TAS2R50: variants seen among roughly 807,000 people sequenced by gnomAD.
TAS2R50 encodes the protein taste 2 receptor member 50, also known as taste receptor type 2 member 50.
For synonymous variants in TAS2R50, 140 were observed against 126.9 expected, an observed-to-expected ratio of 1.10 and a Z score of -0.70; for missense variants, 372 against 347.0, an observed-to-expected ratio of 1.07 and a Z score of -0.57.
chr12:10,986,544 T>C lies in TAS2R50; in HGVS notation c.317A>G (p.Tyr106Cys), dbSNP rs769267389. 1.7e-5 allele frequency: 27 copies of C among 1,614,016 alleles called. No individual in the cohort carries two copies. In the South Asian group the frequency reaches 3.0e-4, roughly 18 times the overall value. The part of the protein sequence containing the change: ...MWLAANLSIF[Y>C]LLKIANFSNL... ...GGAGAAATTGGCAATCTTGAGCAAA[T>C]AAAATATGCTGAGGTTAGCAGCAAG... The change falls in exon 1 of 1, where the codon TAT becomes TGT. Residue 106 changes from tyrosine (Y) to cysteine (C), a missense_variant. Transcript: ENST00000506868.
In TAS2R50 at chr12:10,986,148, C is replaced by G. The variant is rs1033851303; in HGVS notation, c.713G>C (p.Cys238Ser). 1 of 1,614,018 alleles carries G rather than the reference C, an allele frequency of 6.2e-7. No individual in the cohort carries two copies. Among genetic ancestry groups the G allele is most frequent in the East Asian group, 2.2e-5 (1 of 44,880 alleles). The change falls in exon 1 of 1, where the codon TGT becomes TCT. Residue 238 changes from cysteine (C) to serine (S), a missense_variant. Cys to Ser is a moderately radical substitution (Grantham distance 112). Coordinates refer to ENST00000506868, the MANE Select transcript of TAS2R50 (RefSeq NM_176890.2). The part of the protein sequence containing the change: ...LQTLISFLLL[C>S]AIFFLFLIVS... ...GATTAGGAATAGAAAGAAAATGGCA[C>G]ATAACAAGAGGAAGGAGATCAGAGT...
chr12:10,986,613 G>A lies in TAS2R50; in HGVS notation c.248C>T (p.Thr83Ile). ...GGTTACAACCCAGGCATTATAAGAA[G>A]TAATTCTTAATTCTACACTATAAAA... ...PAFYSVELRITSYNAWVVTNH... is the reference protein window; with the variant it reads ...PAFYSVELRIISYNAWVVTNH... The change falls in exon 1 of 1, where the codon ACT becomes ATT. Residue 83 changes from threonine (T) to isoleucine (I), a missense_variant. Transcript: ENST00000506868. 2 of 1,613,764 alleles carry A rather than the reference G, an allele frequency of 1.2e-6. No individual in the cohort carries two copies. The highest frequency in any genetic ancestry group is 1.7e-6 in the Non-Finnish European group (2 of 1,179,854).
chr12:10,986,309 G>T lies in TAS2R50; in HGVS notation c.552C>A (p.Ser184Arg), dbSNP rs1939622749. Residue 184 changes from serine to arginine, a missense_variant, in exon 1 of 1, where the codon AGC becomes AGA. Ser to Arg is a moderately radical substitution (Grantham distance 110). Coordinates refer to ENST00000506868, the MANE Select transcript of TAS2R50 (RefSeq NM_176890.2). ...LSYLTVTTLW[S>R]FIPFTLSLIS... ...TCAGGGACAGAGTAAAGGGTATGAA[G>T]CTCCATAGGGTAGTTACAGTCAAAT... is the stretch of plus-strand genomic sequence containing the variant. The T allele has an allele frequency of 6.2e-7, 1 of 1,613,908 alleles. No individual in the cohort carries two copies. Among genetic ancestry groups the T allele is most frequent in the African/African-American group, 1.3e-5 (1 of 74,836 alleles).
In TAS2R50 at chr12:10,986,755, C is replaced by G. The variant is rs1262910656; in HGVS notation, c.106G>C (p.Val36Leu). Reference protein sequence around the residue: ...FIALVNFIDWVKRKKISSADQ... With the variant: ...FIALVNFIDWLKRKKISSADQ... Reference sequence around the variant, plus strand: ...GCTGAGGAGATCTTTTTTCTCTTCACCCAGTCAATGAAATTTACCAGTGCT... The same window carrying G: ...GCTGAGGAGATCTTTTTTCTCTTCAGCCAGTCAATGAAATTTACCAGTGCT... Residue 36 changes from valine to leucine, a missense_variant, in exon 1 of 1, where the codon GTG (valine) becomes CTG (leucine). Transcript: ENST00000506868. The G allele has an allele frequency of 1.2e-6, 2 of 1,610,838 alleles. No individual in the cohort carries two copies. Among genetic ancestry groups the G allele is most frequent in the South Asian group, 1.1e-5 (1 of 90,216 alleles).
rs756350870 is a variant in TAS2R50 at position 10,986,899 on chromosome 12, A to C, written c.-39T>G. The C allele has an allele frequency of 7.2e-7, 1 of 1,391,880 alleles. No homozygotes were observed. The highest frequency in any genetic ancestry group is 1.6e-5 in the South Asian group (1 of 64,166). 86.2% of individuals were successfully genotyped at this position (1,391,880 alleles called of 1,614,324 possible). ...AAAAGAAAGAAAATGCAAGCCTAAT[A>C]TCACTGGTTGTGATTTCTTTAATAC... is the stretch of plus-strand genomic sequence containing the variant. On this transcript the variant is annotated 5_prime_UTR_variant, in exon 1 of 1. Coordinates refer to ENST00000506868, the MANE Select transcript of TAS2R50 (RefSeq NM_176890.2).
At chr12:10,985,989 AG>A in the TAS2R50 span, 4 of 1,612,808 alleles carry the variant, frequency 2.5e-6, no homozygotes, top group East Asian at 4.5e-5. Flanking sequence ...CAAAATCAAA[AG>A]AAAGGTGTGT....
chr12:10,986,495 C>T lies in TAS2R50; in HGVS notation c.366G>A (p.Lys122=), dbSNP rs1939637229. 2 of 1,613,952 alleles carry T rather than the reference C, an allele frequency of 1.2e-6. No homozygotes were observed. Among genetic ancestry groups the T allele is most frequent in the Middle Eastern group, 1.6e-4 (1 of 6,084 alleles). ...NFSNLLFLHL[K]RRVRSVILVI... ...CCAGAATGACACTCCTAACTCTCCT[C>T]TTTAAATGAAGAAAAAGAAGGTTGG... Residue 122 remains lysine, a synonymous_variant, in exon 1 of 1, where the codon AAG becomes AAA. Coordinates refer to ENST00000506868, the MANE Select transcript of TAS2R50 (RefSeq NM_176890.2).
chr12:10,986,370 C>T lies in TAS2R50; in HGVS notation c.491G>A (p.Gly164Glu), dbSNP rs144926896. 1,717 of 1,613,938 alleles carry T rather than the reference C, an allele frequency of 1.1e-3. 20 individuals carry two copies. In the African/African-American group the frequency reaches 0.02, roughly 19 times the overall value. Residue 164 changes from glycine to glutamate, a missense_variant, in exon 1 of 1, where the codon GGG becomes GAG. Physicochemically the swap from Gly to Glu is moderately conservative, Grantham distance 98 (BLOSUM62 -2). Coordinates refer to ENST00000506868, the MANE Select transcript of TAS2R50 (RefSeq NM_176890.2). ...TACTGTATTCCTCAATTTCATCTTC[C>T]CAGTCATGTTTCCTTCATATTCTTC... ...WAEEYEGNMT[G>E]KMKLRNTVHL...
chr12:10,986,788 C>T lies in TAS2R50; in HGVS notation c.73G>A (p.Gly25Ser). The change falls in exon 1 of 1, where the codon GGC (glycine) becomes AGC (serine). Residue 25 changes from glycine to serine, a missense_variant. By Grantham distance (56) the Gly-to-Ser change is moderately conservative. Transcript: ENST00000506868. ...ATGAAATTTACCAGTGCTATGAAGC[C>T]ATTGGCAAAGTTTCCGAGAACAAAT... ...VLFVLGNFAN[G>S]FIALVNFIDW... The T allele has an allele frequency of 6.3e-7, 1 of 1,582,986 alleles. No homozygotes were observed. Among genetic ancestry groups the T allele is most frequent in the Non-Finnish European group, 8.5e-7 (1 of 1,171,896 alleles).
chr12:10,986,064 G>C lies in TAS2R50; in HGVS notation c.797C>G (p.Ala266Gly), dbSNP rs867288723. ...GAATGCAAGATATATGTTTCCAACA[G>C]CCTTGCTAACCATGACAACCGGGTC... ...RNDPVVMVSK[A>G]VGNIYLAFDS... The change falls in exon 1 of 1, where the codon GCT (alanine) becomes GGT (glycine). Residue 266 changes from alanine to glycine, a missense_variant. By Grantham distance (60) the Ala-to-Gly change is moderately conservative. Transcript: ENST00000506868. 1 of 1,614,070 alleles carries C rather than the reference G, an allele frequency of 6.2e-7. No individual in the cohort carries two copies. Among genetic ancestry groups the C allele is most frequent in the East Asian group, 2.2e-5 (1 of 44,880 alleles).
At position 10,986,841 on chromosome 12, in the gene TAS2R50, A is replaced by T; in HGVS notation, c.20T>A (p.Ile7Asn). 6.5e-7 allele frequency: 1 copy of T among 1,541,240 alleles called. No homozygotes were observed. Residue 7 changes from isoleucine to asparagine, a missense_variant, in exon 1 of 1, where the codon ATT (isoleucine) becomes AAT (asparagine). By Grantham distance (149) the Ile-to-Asn change is moderately radical. Transcript: ENST00000506868. ...AACCATTATTAGAATTGAAAAAAAA[A>T]TGTATAGAAAAGTTATCATATCTGA... is the stretch of plus-strand genomic sequence containing the variant. MITFLY[I>N]FFSILIMVLF... is the part of the protein sequence containing the mutation.
In TAS2R50 at chr12:10,986,246, A is replaced by G; in HGVS notation, c.615T>C (p.His205=). 6.2e-7 allele frequency: 1 copy of G among 1,614,138 alleles called. No homozygotes were observed. Among genetic ancestry groups the G allele is most frequent in the Non-Finnish European group, 8.5e-7 (1 of 1,180,014 alleles). Residue 205 remains histidine (H), a synonymous_variant, in exon 1 of 1, where the codon CAT becomes CAC. Transcript: ENST00000506868. The stretch of plus-strand genomic sequence containing the variant: ...CTCCATGGAGCTGCATCTTCTTGAG[A>G]TGTTTACACAGAGAACAGATTAGCA... ...FLMLICSLCK[H]LKKMQLHGEG... is the part of the protein sequence containing the mutation.
Position 10,986,587 on chromosome 12 carries a change from T to A in TAS2R50, c.274A>T (p.Asn92Tyr). The change falls in exon 1 of 1, where the codon AAC (asparagine) becomes TAC (tyrosine). Residue 92 changes from asparagine (N) to tyrosine (Y), a missense_variant. Physicochemically the swap from Asn to Tyr is moderately radical, Grantham distance 143. Transcript: ENST00000506868. ...ITSYNAWVVT[N>Y]HFSMWLAANL... ...GCAGCAAGCCACATGCTGAAATGGT[T>A]GGTTACAACCCAGGCATTATAAGAA... 1 of 1,614,118 alleles carries A rather than the reference T, an allele frequency of 6.2e-7. No individual in the cohort carries two copies. Among genetic ancestry groups the A allele is most frequent in the South Asian group, 1.1e-5 (1 of 91,084 alleles).
In TAS2R50 at chr12:10,986,158, GGAAGGA is replaced by G; in HGVS notation, c.697_702del (p.Ser233_Phe234del). 2 of 1,614,082 alleles carry G rather than the reference GGAAGGA, an allele frequency of 1.2e-6. No individual in the cohort carries two copies. The highest frequency in any genetic ancestry group is 1.7e-5 in the Admixed American group (1 of 60,020). ...AGAAAGAAAATGGCACATAACAAGA[GGAAGGA>G]GATCAGAGTTTGCAAAGCTTTTATG... On this transcript the variant is annotated inframe_deletion, in exon 1 of 1. Coordinates refer to ENST00000506868, the MANE Select transcript of TAS2R50 (RefSeq NM_176890.2).
rs1481412692 is a variant in TAS2R50, at chr12:10,986,446, A to G, written c.415T>C (p.Phe139Leu). Reference sequence around the variant, plus strand: ...GCCACAAGAAGATGACAAACCAAAAATATCAAAGTCCCCAACAGTATCACC... The same window carrying G: ...GCCACAAGAAGATGACAAACCAAAAGTATCAAAGTCCCCAACAGTATCACC... Reference protein sequence around the residue: ...ILVILLGTLIFLVCHLLVANM... With the variant: ...ILVILLGTLILLVCHLLVANM... Residue 139 changes from phenylalanine (F) to leucine (L), a missense_variant, in exon 1 of 1, where the codon TTT becomes CTT. Transcript: ENST00000506868. The G allele has an allele frequency of 6.2e-7, 1 of 1,614,094 alleles. No individual in the cohort carries two copies. The highest frequency in any genetic ancestry group is 1.1e-5 in the South Asian group (1 of 91,084).
rs982854724 is a variant in TAS2R50 at position 10,986,090 on chromosome 12, A to G, written c.771T>C (p.Asn257=). Residue 257 remains asparagine (N), a synonymous_variant, in exon 1 of 1, where the codon AAT becomes AAC. Coordinates refer to ENST00000506868, the MANE Select transcript of TAS2R50 (RefSeq NM_176890.2). Reference sequence around the variant, plus strand: ...CCTTGCTAACCATGACAACCGGGTCATTCCGCAGCCTCCTAGGACTCCAAA... The same window carrying G: ...CCTTGCTAACCATGACAACCGGGTCGTTCCGCAGCCTCCTAGGACTCCAAA... ...VSVWSPRRLR[N]DPVVMVSKAV... The G allele has an allele frequency of 1.2e-6, 2 of 1,613,974 alleles. No individual in the cohort carries two copies. Among genetic ancestry groups the G allele is most frequent in the Non-Finnish European group, 1.7e-6 (2 of 1,180,006 alleles).
Position 10,986,603 on chromosome 12 carries a change from A to G in TAS2R50, c.258T>C (p.Asn86=). Residue 86 remains asparagine, a synonymous_variant, in exon 1 of 1, where the codon AAT becomes AAC. Coordinates refer to ENST00000506868, the MANE Select transcript of TAS2R50 (RefSeq NM_176890.2). ...YSVELRITSY[N]AWVVTNHFSM... is the part of the protein sequence containing the mutation. ...TGAAATGGTTGGTTACAACCCAGGC[A>G]TTATAAGAAGTAATTCTTAATTCTA... is the stretch of plus-strand genomic sequence containing the variant. 1.2e-6 allele frequency: 2 copies of G among 1,614,092 alleles called. No individual in the cohort carries two copies. The highest frequency in any genetic ancestry group is 1.7e-6 in the Non-Finnish European group (2 of 1,180,010).
rs1939618578 is a variant in TAS2R50, at chr12:10,986,258, A to G, written c.603T>C (p.Ser201=). 6.2e-7 allele frequency: 1 copy of G among 1,614,012 alleles called. No individual in the cohort carries two copies. ...GCATCTTCTTGAGATGTTTACACAG[A>G]GAACAGATTAGCATCAGAAAAGATA... ...SLISFLMLIC[S]LCKHLKKMQL... The change falls in exon 1 of 1, where the codon TCT becomes TCC. Residue 201 remains serine, a synonymous_variant. Transcript: ENST00000506868.
Position 10,985,936 on chromosome 12 carries a change from G to C in TAS2R50, c.*25C>G. The C allele has an allele frequency of 6.3e-7, 1 of 1,578,376 alleles. No individual in the cohort carries two copies. The highest frequency in any genetic ancestry group is 8.6e-7 in the Non-Finnish European group (1 of 1,163,978). On this transcript the variant is annotated 3_prime_UTR_variant, in exon 1 of 1. Coordinates refer to ENST00000506868, the MANE Select transcript of TAS2R50 (RefSeq NM_176890.2). The stretch of plus-strand genomic sequence containing the variant: ...ACAATGTCCCACTTGTGAATCTAGA[G>C]AGTTGAGAGTTTCAGGTCTTTTACT...
Sources: allele counts gnomAD v4.1 joint callset, GRCh38; gene constraint gnomAD v4.1.1; transcripts MANE v1.5; gene names NCBI Gene and HGNC (gene_info 2026-07-23, HGNC 2026-07-21).